ZC3H13: variants seen among roughly 807,000 people sequenced by gnomAD.
The protein encoded by ZC3H13 is zinc finger CCCH-type containing 13.
A neutral mutation model predicts 204.1 loss-of-function variants in ZC3H13; 64 were observed. The observed-to-expected ratio is 0.31, with a 90% CI of 0.26 to 0.39. The LOEUF (loss-of-function observed/expected upper bound fraction) is 0.39. Ranked by LOEUF, ZC3H13 falls within the 10% of genes least tolerant of loss-of-function variation. ZC3H13 has a pLI of 1.00. For synonymous variants in ZC3H13, 667 were observed against 693.7 expected, an observed-to-expected ratio of 0.96 and a Z score of 0.60; for missense variants, 1,833 against 2,082.7, an observed-to-expected ratio of 0.88 and a Z score of 2.33.
Position 45,983,428 on chromosome 13 carries a change from T to A in ZC3H13, c.1720+1869A>T, listed in dbSNP as rs1398017174. Among the ~76,000 whole-genome samples the A allele has an allele frequency of 1.0e-3, 78 of 74,588 alleles. 1 individual carries two copies. The highest frequency in any genetic ancestry group is 5.2e-3 in the African/African-American group (70 of 13,360). 48.9% of individuals were successfully genotyped at this position (74,588 alleles called of 152,430 possible). Reference sequence around the variant, plus strand: ...ATATATATATATTTTTTTTTTTTTTTTTTTTTTTTTTTTTTTGAGACGGAG... The same window carrying A: ...ATATATATATATTTTTTTTTTTTTTATTTTTTTTTTTTTTTTGAGACGGAG... On this transcript the variant is annotated intron_variant, in intron 10 of 18. Transcript: ENST00000679008.
intron 4 of ZC3H13, among the ~76,000 whole-genome samples, chr13:46,035,254 G>C (rs553070983): frequency 4.6e-5 from 7 of 152,178 alleles, no homozygotes; most frequent in African/African-American, 1.7e-4. Flanking sequence ...AAACCTTCAA[G>C]TGATTCCAGC....
intron 10 of ZC3H13, among the ~76,000 whole-genome samples, chr13:45,980,601 ATGACCGATATATGCAACAACT>A (rs1328476474): frequency 6.6e-6 from 1 of 152,240 alleles, no homozygotes; most frequent in East Asian, 1.9e-4. Context: ...ATAAAAATGA[ATGACCGATATATGCAACAACT>A]TGGATGAACC....
At chr13:46,033,748 G>A (rs1412626378) in intron 4 of ZC3H13, among the ~76,000 whole-genome samples, 5 of 152,026 alleles carry the variant, frequency 3.3e-5, no homozygotes, top group African/African-American at 1.2e-4. Flanking sequence ...ACAATGTGCT[G>A]GGAATACGTG....
rs548912662 is a variant in ZC3H13 at position 45,994,667 on chromosome 13, A to G, written c.945-5570T>C. Among the ~76,000 whole-genome samples the G allele has an allele frequency of 2.0e-5, 3 of 152,300 alleles. No individual in the cohort carries two copies. In the East Asian group the frequency reaches 5.8e-4, roughly 29 times the overall value. On this transcript the variant is annotated intron_variant, in intron 8 of 18. Coordinates refer to ENST00000679008, the MANE Select transcript of ZC3H13 (RefSeq NM_001330564.2). The stretch of plus-strand genomic sequence containing the variant: ...TTAAGCTCCCAGAGTAAGAGAATCG[A>G]TATTTAAAATACAATAAAACCCAGA...
chr13:46,048,569 A>C (rs1441334544), intron 1 of ZC3H13, among the ~76,000 whole-genome samples: 1 of 116,888 alleles, frequency 8.6e-6, no homozygotes, highest in East Asian at 2.9e-4. Context: ...TGACAGAGTG[A>C]GACTCCGCCT....
At chr13:46,017,341 TTC>T (rs1158866866) in intron 5 of ZC3H13, among the ~76,000 whole-genome samples, 8 of 152,208 alleles carry the variant, frequency 5.3e-5, no homozygotes, top group Non-Finnish European at 8.8e-5. Flanking sequence ...GGTGTACTCA[TTC>T]TCCCATGAGT....
chr13:45,968,062 A>G (rs776187293), intron 14 of ZC3H13, 34 bp from the exon 15 acceptor site: 8 of 1,515,406 alleles, frequency 5.3e-6, no homozygotes, highest in African/African-American at 2.8e-5. Flanking sequence ...AAGAGTTATT[A>G]GCACATGATA....
Position 45,959,437 on chromosome 13 carries a change from C to A in ZC3H13, c.4839+46G>T. On this transcript the variant is annotated intron_variant, in intron 18 of 18. Coordinates refer to ENST00000679008, the MANE Select transcript of ZC3H13 (RefSeq NM_001330564.2). Reference sequence around the variant, plus strand: ...TAAAACAACCAAATGAAAAATAGGCCATTCACACTATTCACTTTGTATTTT... The same window carrying A: ...TAAAACAACCAAATGAAAAATAGGCAATTCACACTATTCACTTTGTATTTT... 9 of 1,444,846 alleles carry A rather than the reference C, an allele frequency of 6.2e-6. No individual in the cohort carries two copies. The East Asian group carries it at 8.1e-5, about 13-fold the overall frequency. The allele number at this position is 1,444,846 out of a possible 1,614,324, so 89.5% of individuals were successfully genotyped here. A position where few individuals can be genotyped will look rare whatever the true frequency, so the allele number is the denominator to read the frequency against.
chr13:46,040,895 A>T (rs1327326398), intron 4 of ZC3H13, among the ~76,000 whole-genome samples: 1 of 152,174 alleles, frequency 6.6e-6, no homozygotes, highest in Non-Finnish European at 1.5e-5. Context: ...ATCATTTCAC[A>T]CCCATCAGGA....
intron 5 of ZC3H13, among the ~76,000 whole-genome samples, chr13:46,019,861 AG>A (rs1297634925): frequency 6.6e-6 from 1 of 152,188 alleles, no homozygotes; most frequent in East Asian, 1.9e-4. Flanking sequence ...CTGAGATAAC[AG>A]GCAGGAGGAC....
chr13:46,045,285 CAA>C, intron 2 of ZC3H13, 104 bp downstream of exon 2: 1 of 1,104,948 alleles, frequency 9.1e-7, no homozygotes, highest in South Asian at 1.5e-5. Context: ...ATTTACTGAA[CAA>C]ACATTCCTAC....
chr13:46,020,831 AC>A (rs1433223201), intron 4 of ZC3H13, among the ~76,000 whole-genome samples: 2 of 152,086 alleles, frequency 1.3e-5, no homozygotes, highest in Admixed American at 1.3e-4. Flanking sequence ...TTACTAAAGA[AC>A]AAAAACTTTA....
At position 45,959,520 on chromosome 13, in the gene ZC3H13, T is replaced by A. The variant is rs1309742983; in HGVS notation, c.4802A>T (p.Asp1601Val). 1 of 1,544,744 alleles carries A rather than the reference T, an allele frequency of 6.5e-7. No individual in the cohort carries two copies. Among genetic ancestry groups the A allele is most frequent in the Admixed American group, 2.0e-5 (1 of 49,784 alleles). ...AACAAGCTGCTTTCGAATTGCAGAA[T>A]CCCGTCTGAAGCACAACGCCTTACA... is the stretch of plus-strand genomic sequence containing the variant. ...PCCKALCFRR[D>V]SAIRKQLVKN... Residue 1601 changes from aspartate (D) to valine (V), a missense_variant, in exon 18 of 19, where the codon GAT becomes GTT. This residue lies in a region of ZC3H13 where 211 missense variants were observed against 228.4 expected (regional missense o/e 0.92). Coordinates refer to ENST00000679008, the MANE Select transcript of ZC3H13 (RefSeq NM_001330564.2).
rs943289381 is a variant in ZC3H13 at position 45,956,993 on chromosome 13, T to G, written c.*134A>C. The G allele has an allele frequency of 1.2e-6, 1 of 831,644 alleles. No individual in the cohort carries two copies. Among genetic ancestry groups the G allele is most frequent in the Non-Finnish European group, 1.6e-6 (1 of 613,060 alleles). 51.5% of individuals were successfully genotyped at this position (831,644 alleles called of 1,614,324 possible). A position where few individuals can be genotyped will look rare whatever the true frequency, so the allele number is the denominator to read the frequency against. On this transcript the variant is annotated 3_prime_UTR_variant, in exon 19 of 19. Coordinates refer to ENST00000679008, the MANE Select transcript of ZC3H13 (RefSeq NM_001330564.2). Reference sequence around the variant, plus strand: ...AACTAGTGTCTCTAAAGATCAAAATTCTTCACTCTTTTAGCATGGCTGATA... The same window carrying G: ...AACTAGTGTCTCTAAAGATCAAAATGCTTCACTCTTTTAGCATGGCTGATA...
chr13:46,048,917 T>A lies in ZC3H13; in HGVS notation c.-9-3401A>T, dbSNP rs964842835. Among the ~76,000 whole-genome samples the A allele has an allele frequency of 1.7e-4, 26 of 151,588 alleles. 1 individual carries two copies. The highest frequency in any genetic ancestry group is 1.5e-5 in the Non-Finnish European group (1 of 67,940). ...AGGCCAAGGCAGGCGGATCACGAGG[T>A]CAAGAGATTGAGACCATCCTGGCCA... is the stretch of plus-strand genomic sequence containing the variant. On this transcript the variant is annotated intron_variant, in intron 1 of 18. Transcript: ENST00000679008.
At chr13:46,040,394 C>T (rs2043494045) in intron 4 of ZC3H13, among the ~76,000 whole-genome samples, 1 of 151,918 alleles carries the variant, frequency 6.6e-6, no homozygotes, top group African/African-American at 2.4e-5. Context: ...TATCCACATG[C>T]AAAAGAATAA....
intron 4 of ZC3H13, among the ~76,000 whole-genome samples, chr13:46,030,599 T>C (rs1204166287): frequency 2.0e-5 from 3 of 151,736 alleles, no homozygotes. Flanking sequence ...AACTGACAAA[T>C]AGATTAGTTC....
intron 3 of ZC3H13, among the ~76,000 whole-genome samples, chr13:46,043,287 A>T (rs2043715680): frequency 6.6e-6 from 1 of 151,996 alleles, no homozygotes; most frequent in African/African-American, 2.4e-5. Flanking sequence ...GTTAGTAAAG[A>T]AATAATTTGA....
At chr13:46,045,654 A>C in intron 1 of ZC3H13, 138 bp from the exon 2 acceptor site, 1 of 661,942 alleles carries the variant, frequency 1.5e-6, no homozygotes, top group South Asian at 1.8e-5. Context: ...TAAAAAAAAA[A>C]AGCATAGGAG....
Sources: allele counts gnomAD v4.1 joint callset (sites outside exome capture counted in the v4.1 genomes callset), GRCh38; gene constraint gnomAD v4.1.1; regional missense constraint gnomAD v4.1.1; transcripts MANE v1.5; gene names NCBI Gene and HGNC (gene_info 2026-07-23, HGNC 2026-07-21).